Variants in DLL4 observed in about 807,000 individuals in gnomAD.
The protein encoded by DLL4 is delta-like protein 4.
In DLL4, 7 loss-of-function variants were observed where a neutral mutation model predicts 73.6. The ratio of observed to expected loss-of-function variants is 0.10; its 90% CI spans 0.05 to 0.18. The LOEUF is 0.18. Among genes scored for constraint, DLL4 ranks in the 10% least tolerant of loss-of-function variants. The pLI is 1.00. For synonymous variants in DLL4, 345 were observed against 374.3 expected (o/e 0.92, Z 0.90); for missense variants, 614 against 929.9 (o/e 0.66, Z 4.42).
intron 9 of DLL4, 145 bp from the exon 10 acceptor site, chr15:40,937,273 C>G: frequency 4.4e-6 from 3 of 683,162 alleles, no homozygotes; most frequent in East Asian, 2.5e-5. Context: ...AAGTGCCCCC[C>G]TGCAGCAGCC....
At chr15:40,932,280 G>C in intron 5 of DLL4, 37 bp from the exon 6 acceptor site, 1 of 1,614,012 alleles carries the variant, frequency 6.2e-7, no homozygotes, top group Non-Finnish European at 8.5e-7. Context: ...CTTGGCCAAG[G>C]CCTCTCACCT....
chr15:40,935,334 C>A (rs1892827540), intron 8 of DLL4, among the ~76,000 whole-genome samples: 1 of 152,232 alleles, frequency 6.6e-6, no homozygotes, highest in Admixed American at 6.5e-5. Flanking sequence ...ATGCACCCTG[C>A]ATAGCTTCCA....
At position 40,929,978 on chromosome 15, in the gene DLL4, G is replaced by A; in HGVS notation, c.198G>A (p.Gln66=). Residue 66 remains glutamine, a synonymous_variant, in exon 2 of 11, where the codon CAG becomes CAA. Transcript: ENST00000249749. This position sits in a 1 kb window ranked among gnomAD's most constrained non-coding sequence, Gnocchi z 7.1. ...TFFRVCLKHF[Q]AVVSPGPCTF... is the part of the protein sequence containing the mutation. ...TCCGCGTCTGCCTTAAGCACTTCCA[G>A]GCGGTCGTCTCGCCCGGACCCTGCA... 1 of 1,613,244 alleles carries A rather than the reference G, an allele frequency of 6.2e-7. No individual in the cohort carries two copies. The highest frequency in any genetic ancestry group is 8.5e-7 in the Non-Finnish European group (1 of 1,179,820).
rs1892729555 is a variant in DLL4 at position 40,929,393 on chromosome 15, G to C, written c.-276G>C. The C allele has an allele frequency of 2.3e-6, 1 of 434,356 alleles. No individual in the cohort carries two copies. Among genetic ancestry groups the C allele is most frequent in the African/African-American group, 2.1e-5 (1 of 48,586 alleles). The allele number at this position is 434,356 out of a possible 1,614,324, so 26.9% of individuals were successfully genotyped here. A position where few individuals can be genotyped will look rare whatever the true frequency, so the allele number is the denominator to read the frequency against. ...CACGAGGCCAAGAGCCGCAGCCCCA[G>C]CCGCCTTGGTGCAGCGTACACCGGC... On this transcript the variant is annotated 5_prime_UTR_variant, in exon 1 of 11. Coordinates refer to ENST00000249749, the MANE Select transcript of DLL4 (RefSeq NM_019074.4). The surrounding 1 kb of genome is among the most constrained non-coding windows in gnomAD (Gnocchi z 7.1).
In DLL4 at chr15:40,931,575, T is replaced by C; in HGVS notation, c.467T>C (p.Leu156Ser). 3.1e-6 allele frequency: 5 copies of C among 1,612,324 alleles called. No individual in the cohort carries two copies. Among genetic ancestry groups the C allele is most frequent in the Non-Finnish European group, 4.2e-6 (5 of 1,179,208 alleles). The stretch of plus-strand genomic sequence containing the variant: ...TCCCTAGCTGTGGGTCAGAACTGGT[T>C]ATTGGATGAGCAAACCAGCACCCTC... ...QGSLAVGQNW[L>S]LDEQTSTLTR... is the part of the protein sequence containing the mutation. Residue 156 changes from leucine to serine, a missense_variant, in exon 4 of 11, where the codon TTA becomes TCA. Leu to Ser is a moderately radical substitution (Grantham distance 145). This residue lies in a region of DLL4 where 227 missense variants were observed against 370.8 expected (regional missense o/e 0.61). Transcript: ENST00000249749.
chr15:40,930,291 T>G lies in DLL4; in HGVS notation c.336+175T>G. ...TCCTGAGACTGATCCCAGAAAAGGC[T>G]CTCACCAGTCTCCGTCTTCCCAGTT... On this transcript the variant is annotated intron_variant, in intron 2 of 10. Transcript: ENST00000249749. This position sits in a 1 kb window ranked among gnomAD's most constrained non-coding sequence, Gnocchi z 5.7. The G allele has an allele frequency of 1.2e-6, 1 of 812,708 alleles. No individual in the cohort carries two copies. The highest frequency in any genetic ancestry group is 1.8e-5 in the African/African-American group (1 of 57,134). The allele number at this position is 812,708 out of a possible 1,614,324, so 50.3% of individuals were successfully genotyped here. A position where few individuals can be genotyped will look rare whatever the true frequency, so the allele number is the denominator to read the frequency against.
At chr15:40,934,861 A>G (rs1165764092) in intron 7 of DLL4, 37 bp from the exon 8 acceptor site, 7 of 1,602,874 alleles carry the variant, frequency 4.4e-6, no homozygotes, top group East Asian at 2.2e-5. Context: ...CCTGCCCCCC[A>G]GGGTCTGACT....
chr15:40,932,213 G>A lies in DLL4; in HGVS notation c.701G>A (p.Ser234Asn). The A allele has an allele frequency of 1.2e-6, 2 of 1,614,054 alleles. No homozygotes were observed. Among genetic ancestry groups the A allele is most frequent in the South Asian group, 2.2e-5 (2 of 91,084 alleles). Reference sequence around the variant, plus strand: ...TGTCATGAACAGAATGGCTACTGCAGCAAGCCAGCAGAGTGCCTGTGAGTA... The same window carrying A: ...TGTCATGAACAGAATGGCTACTGCAACAAGCCAGCAGAGTGCCTGTGAGTA... ...SGCHEQNGYC[S>N]KPAECLCRPG... is the part of the protein sequence containing the mutation. Residue 234 changes from serine to asparagine, a missense_variant, in exon 5 of 11, where the codon AGC (serine) becomes AAC (asparagine). Around this residue, in one of 3 missense-constraint regions of DLL4, gnomAD observed 227 missense variants for 370.8 expected, o/e 0.61. Transcript: ENST00000249749.
Position 40,930,278 on chromosome 15 carries a change from T to C in DLL4, c.336+162T>C. The C allele has an allele frequency of 1.1e-6, 1 of 926,018 alleles. No individual in the cohort carries two copies. Among genetic ancestry groups the C allele is most frequent in the African/African-American group, 1.7e-5 (1 of 59,528 alleles). 57.4% of individuals were successfully genotyped at this position (926,018 alleles called of 1,614,324 possible). ...CTTCCCGACTCTCTCCTGAGACTGA[T>C]CCCAGAAAAGGCTCTCACCAGTCTC... On this transcript the variant is annotated intron_variant, in intron 2 of 10. Coordinates refer to ENST00000249749, the MANE Select transcript of DLL4 (RefSeq NM_019074.4). The surrounding 1 kb of genome is among the most constrained non-coding windows in gnomAD (Gnocchi z 5.7).
rs772818602 is a variant in DLL4 at position 40,932,194 on chromosome 15, G to C, written c.682G>C (p.Glu228Gln). Residue 228 changes from glutamate (E) to glutamine (Q), a missense_variant, in exon 5 of 11, where the codon GAA (glutamate) becomes CAA (glutamine). Glu to Gln is a conservative substitution (Grantham distance 29, BLOSUM62 2). Coordinates refer to ENST00000249749, the MANE Select transcript of DLL4 (RefSeq NM_019074.4). ...QQPICLSGCH[E>Q]QNGYCSKPAE... ...AGCTATCTGTCTTTCGGGCTGTCAT[G>C]AACAGAATGGCTACTGCAGCAAGCC... is the stretch of plus-strand genomic sequence containing the variant. 106 of 1,613,918 alleles carry C rather than the reference G, an allele frequency of 6.6e-5. 2 individuals carry two copies. The South Asian group carries it at 1.2e-3, about 18-fold the overall frequency.
At chr15:40,931,830 T>G (rs1051629180) in intron 4 of DLL4, 64 bp downstream of exon 4, 2 of 1,587,260 alleles carry the variant, frequency 1.3e-6, no homozygotes, top group Non-Finnish European at 1.7e-6. Flanking sequence ...CAGTGGAGCT[T>G]CTTGGTCACA....
At chr15:40,932,965 T>C (rs775808989) in intron 6 of DLL4, among the ~76,000 whole-genome samples, 78 of 152,206 alleles carry the variant, frequency 5.1e-4, no homozygotes, top group Non-Finnish European at 8.5e-4. Flanking sequence ...CCCCTGCTCT[T>C]ACCTAGTTAC....
At position 40,936,323 on chromosome 15, in the gene DLL4, C is replaced by T. The variant is rs751873412; in HGVS notation, c.1336C>T (p.Arg446Cys). The change falls in exon 9 of 11, where the codon CGT becomes TGT. Residue 446 changes from arginine (R) to cysteine (C), a missense_variant. Transcript: ENST00000249749. Reference protein sequence around the residue: ...YCELHVSDCARNPCAHGGTCH... With the variant: ...YCELHVSDCACNPCAHGGTCH... ...TGAACTCCACGTCAGCGACTGTGCC[C>T]GTAACCCTTGCGCCCACGGTGGCAC... 4.8e-5 allele frequency: 77 copies of T among 1,609,308 alleles called. No homozygotes were observed. Among genetic ancestry groups the T allele is most frequent in the East Asian group, 6.7e-5 (3 of 44,698 alleles).
At chr15:40,937,586 T>A in intron 10 of DLL4, 60 bp downstream of exon 10, 1 of 1,250,046 alleles carries the variant, frequency 8.0e-7, no homozygotes, top group Non-Finnish European at 1.2e-6. Flanking sequence ...GCCTGGTCAC[T>A]CTTGACCCAT....
At position 40,929,732 on chromosome 15, in the gene DLL4, C is replaced by A. The variant is rs1337354804; in HGVS notation, c.64C>A (p.Gln22Lys). The stretch of plus-strand genomic sequence containing the variant: ...ACTGCTGCTGGTGGCACTTTGGCAG[C>A]AGGTAACACGTCCCGCGCCCTCTCC... Reference protein sequence around the residue: ...ALLLLVALWQQRAAGSGVFQL... With the variant: ...ALLLLVALWQKRAAGSGVFQL... The change falls in exon 1 of 11, where the codon CAG becomes AAG. Residue 22 changes from glutamine (Q) to lysine (K), a missense_variant and splice_region_variant. This residue lies in a region of DLL4 where 227 missense variants were observed against 370.8 expected (regional missense o/e 0.61). Coordinates refer to ENST00000249749, the MANE Select transcript of DLL4 (RefSeq NM_019074.4). This position sits in a 1 kb window ranked among gnomAD's most constrained non-coding sequence, Gnocchi z 7.1. The A allele has an allele frequency of 6.3e-7, 1 of 1,599,356 alleles. No homozygotes were observed. The highest frequency in any genetic ancestry group is 2.2e-5 in the East Asian group (1 of 44,720).
chr15:40,937,404 T>G lies in DLL4; in HGVS notation c.1944-14T>G. 1 of 1,578,814 alleles carries G rather than the reference T, an allele frequency of 6.3e-7. No individual in the cohort carries two copies. The highest frequency in any genetic ancestry group is 8.7e-7 in the Non-Finnish European group (1 of 1,147,972). ...CCCGTCCCTCCCTTACACGCCTGTC[T>G]TGTGTTCCCTCAGTGAAAAGCCAGA... On this transcript the variant is annotated splice_polypyrimidine_tract_variant and intron_variant, in intron 9 of 10. Transcript: ENST00000249749.
Position 40,930,946 on chromosome 15 carries a change from G to A in DLL4, c.394+264G>A, listed in dbSNP as rs1892761284. On this transcript the variant is annotated intron_variant, in intron 3 of 10. Coordinates refer to ENST00000249749, the MANE Select transcript of DLL4 (RefSeq NM_019074.4). This position sits in a 1 kb window ranked among gnomAD's most constrained non-coding sequence, Gnocchi z 5.7. Reference sequence around the variant, plus strand: ...GCTGAAGCTGCCAGCGCCGCTGACGGGCCCCTTCCTGTATTTTACACCTTT... The same window carrying A: ...GCTGAAGCTGCCAGCGCCGCTGACGAGCCCCTTCCTGTATTTTACACCTTT... 1.7e-6 allele frequency: 1 copy of A among 574,806 alleles called. No individual in the cohort carries two copies. The highest frequency in any genetic ancestry group is 3.2e-5 in the Admixed American group (1 of 31,624). 35.6% of individuals were successfully genotyped at this position (574,806 alleles called of 1,614,324 possible).
rs1234195960 is a variant in DLL4, at chr15:40,931,746, C to A, written c.638C>A (p.Thr213Asn). The A allele has an allele frequency of 6.2e-7, 1 of 1,613,582 alleles. No individual in the cohort carries two copies. Among genetic ancestry groups the A allele is most frequent in the Non-Finnish European group, 8.5e-7 (1 of 1,179,888 alleles). The change falls in exon 4 of 11, where the codon ACT becomes AAT. Residue 213 changes from threonine (T) to asparagine (N), a missense_variant. By Grantham distance (65) the Thr-to-Asn change is moderately conservative. Around this residue, in one of 3 missense-constraint regions of DLL4, gnomAD observed 227 missense variants for 370.8 expected, o/e 0.61. Transcript: ENST00000249749. ...DGNLSCLPGW[T>N]GEYCQQPICL... ...AACTTGTCCTGCCTGCCCGGTTGGA[C>A]TGGGGAATATTGCCAACAGCGTAAG...
At position 40,934,544 on chromosome 15, in the gene DLL4, G is replaced by C; in HGVS notation, c.851-4G>C. Reference sequence around the variant, plus strand: ...GCTCAGCTGCTTGGTTCCTGTTTCTGCAGATCTCAACTACTGCACCCACCA... The same window carrying C: ...GCTCAGCTGCTTGGTTCCTGTTTCTCCAGATCTCAACTACTGCACCCACCA... On this transcript the variant is annotated splice_polypyrimidine_tract_variant and splice_region_variant and intron_variant, in intron 6 of 10. Coordinates refer to ENST00000249749, the MANE Select transcript of DLL4 (RefSeq NM_019074.4). 6.2e-7 allele frequency: 1 copy of C among 1,613,288 alleles called. No individual in the cohort carries two copies. Among genetic ancestry groups the C allele is most frequent in the Non-Finnish European group, 8.5e-7 (1 of 1,179,540 alleles).
Sources: gnomAD v4.1 joint callset for allele counts (sites outside exome capture counted in the v4.1 genomes callset) on GRCh38, gnomAD v4.1.1 for gene constraint, gnomAD v4.1.1 regional missense constraint, Gnocchi (gnomAD v3.1) non-coding constraint, MANE v1.5 for transcripts, NCBI Gene and HGNC (gene_info 2026-07-23, HGNC 2026-07-21) for gene names.